Variants in MAP7 observed in about 807,000 individuals in gnomAD.
MAP7 encodes the protein microtubule associated protein 7, also known as ensconsin.
Under a neutral mutation model 94.8 loss-of-function variants are expected in MAP7, and 52 were observed. That is an observed-to-expected ratio of 0.55 (90% CI 0.44 to 0.69). The LOEUF is 0.69. Among genes scored for constraint, MAP7 ranks in the 30% least tolerant of loss-of-function variants. The pLI, the probability that MAP7 is intolerant of heterozygous loss-of-function variation, is 0.00. For missense variants in MAP7, 940 were observed against 964.6 expected (o/e 0.97, Z 0.34); for synonymous variants, 350 against 357.0 (o/e 0.98, Z 0.22).
rs1822250671 is a variant in MAP7 at position 136,508,452 on chromosome 6, TAAAG to T, written c.67+41886_67+41889del. ...GAAGAGATCTTCATCAGCATCAGGATAAAGAAATTAATTTTTTTATCAAATGTTA... is the reference window on the plus strand; with the variant it reads ...GAAGAGATCTTCATCAGCATCAGGATAAATTAATTTTTTTATCAAATGTTA... On this transcript the variant is annotated intron_variant, in intron 1 of 17. Coordinates refer to ENST00000354570, the MANE Select transcript of MAP7 (RefSeq NM_003980.6). Among the ~76,000 whole-genome samples the T allele has an allele frequency of 2.6e-5, 4 of 152,220 alleles. No homozygotes were observed. The South Asian group carries it at 8.3e-4, about 32-fold the overall frequency.
chr6:136,448,229 C>T (rs927337787), intron 1 of MAP7, among the ~76,000 whole-genome samples: 3 of 152,058 alleles, frequency 2.0e-5, no homozygotes, highest in Non-Finnish European at 4.4e-5. Context: ...TTTAAAGACT[C>T]TGAAGGAATA....
chr6:136,441,177 T>A (rs377511499), intron 1 of MAP7, among the ~76,000 whole-genome samples: 23 of 152,354 alleles, frequency 1.5e-4, no homozygotes, highest in Admixed American at 1.1e-3. Flanking sequence ...CTCTTCCGCA[T>A]GCTGATTTCA....
At chr6:136,432,602 A>C (rs1369327077) in intron 1 of MAP7, among the ~76,000 whole-genome samples, 1 of 152,222 alleles carries the variant, frequency 6.6e-6, no homozygotes, top group African/African-American at 2.4e-5. Flanking sequence ...CCTGAGCCAC[A>C]ATTCTTCTCA....
intron 2 of MAP7, among the ~76,000 whole-genome samples, chr6:136,416,547 T>C (rs1440396544): frequency 6.6e-6 from 1 of 152,224 alleles, no homozygotes; most frequent in Non-Finnish European, 1.5e-5. Context: ...GACTCACACC[T>C]GTAATCCCAG....
chr6:136,382,742 T>C (rs557899755), intron 6 of MAP7, among the ~76,000 whole-genome samples: 33 of 152,264 alleles, frequency 2.2e-4, no homozygotes, highest in African/African-American at 7.7e-4. Context: ...TATATAAATA[T>C]ACATACACAC....
intron 16 of MAP7, among the ~76,000 whole-genome samples, chr6:136,350,151 T>C (rs1788754613): frequency 6.6e-6 from 1 of 152,200 alleles, no homozygotes; most frequent in Non-Finnish European, 1.5e-5. Flanking sequence ...TTGCATGATC[T>C]GTCATGATGG....
intron 3 of MAP7, among the ~76,000 whole-genome samples, chr6:136,406,632 C>T (rs1036571334): frequency 6.6e-6 from 1 of 152,228 alleles, no homozygotes; most frequent in Non-Finnish European, 1.5e-5. Context: ...ACCAGCCTCA[C>T]CAACGTGGCA....
At chr6:136,401,853 T>C (rs531111149) in intron 3 of MAP7, among the ~76,000 whole-genome samples, 1 of 152,304 alleles carries the variant, frequency 6.6e-6, no homozygotes, top group East Asian at 1.9e-4. Flanking sequence ...TTGAATCTGC[T>C]GTAGCCTCTC....
At position 136,426,188 on chromosome 6, in the gene MAP7, T is replaced by C. The variant is rs568123622; in HGVS notation, c.68-4389A>G. 5.9e-5 allele frequency among the ~76,000 whole-genome samples: 9 copies of C among 152,336 alleles called. No homozygotes were observed. In the South Asian group the frequency reaches 1.7e-3, roughly 28 times the overall value. On this transcript the variant is annotated intron_variant, in intron 1 of 17. Transcript: ENST00000354570. ...CCTCTAGGGAATATCTGCTCATGTATTTCTGCTATCATTTGAATGTCCTCA... is the reference window on the plus strand; with the variant it reads ...CCTCTAGGGAATATCTGCTCATGTACTTCTGCTATCATTTGAATGTCCTCA...
chr6:136,349,334 A>G (rs1788510834), intron 16 of MAP7, among the ~76,000 whole-genome samples: 1 of 152,184 alleles, frequency 6.6e-6, no homozygotes, highest in Non-Finnish European at 1.5e-5. Context: ...GTATATATTC[A>G]TTTATAAAAT....
chr6:136,530,541 A>AGCTCCTGCAATAGTCCAGATG (rs1583153402), intron 1 of MAP7, among the ~76,000 whole-genome samples: 3 of 147,036 alleles, frequency 2.0e-5, no homozygotes, highest in African/African-American at 8.2e-5. Context: ...CATGGAATCA[A>AGCTCCTGCAATAGTCCAGATG]ACAACCACTA....
At chr6:136,436,189 A>C (rs1202827297) in intron 1 of MAP7, among the ~76,000 whole-genome samples, 1 of 152,230 alleles carries the variant, frequency 6.6e-6, no homozygotes, top group Non-Finnish European at 1.5e-5. Context: ...TTAACTATTT[A>C]GATTTTTAAA....
At chr6:136,534,791 C>G (rs1179223631) in intron 1 of MAP7, among the ~76,000 whole-genome samples, 1 of 152,120 alleles carries the variant, frequency 6.6e-6, no homozygotes, top group East Asian at 1.9e-4. Context: ...ATCAAATGAA[C>G]CCTTTTAATG....
intron 1 of MAP7, among the ~76,000 whole-genome samples, chr6:136,464,274 A>G (rs1441357433): frequency 3.9e-5 from 6 of 152,230 alleles, no homozygotes. Context: ...ACAAACCAGT[A>G]GTGGTCTATC....
intron 3 of MAP7, among the ~76,000 whole-genome samples, chr6:136,402,905 C>CAAAAAAAAAAAAAAAA (rs57114676): frequency 3.9e-4 from 26 of 67,396 alleles, no homozygotes; most frequent in East Asian, 1.1e-3. Flanking sequence ...GACTCTGTCT[C>CAAAAAAAAAAAAAAAA]AAAAAAAAAA....
intron 1 of MAP7, among the ~76,000 whole-genome samples, chr6:136,504,164 T>C (rs1820656447): frequency 6.6e-6 from 1 of 152,136 alleles, no homozygotes; most frequent in Non-Finnish European, 1.5e-5. Flanking sequence ...TGATGTATTA[T>C]TTATAGATAT....
intron 3 of MAP7, among the ~76,000 whole-genome samples, chr6:136,399,664 T>C (rs981229422): frequency 6.6e-6 from 1 of 152,224 alleles, no homozygotes. Flanking sequence ...CAGTTTCCTT[T>C]TGTTTTCATT....
chr6:136,527,486 A>G (rs899190852), intron 1 of MAP7, among the ~76,000 whole-genome samples: 1 of 152,222 alleles, frequency 6.6e-6, no homozygotes, highest in Non-Finnish European at 1.5e-5. Flanking sequence ...TAAGGCAAGT[A>G]CAATATCCTC....
chr6:136,472,730 C>A (rs1307618724), intron 1 of MAP7, among the ~76,000 whole-genome samples: 2 of 152,116 alleles, frequency 1.3e-5, no homozygotes, highest in East Asian at 1.9e-4. Flanking sequence ...ATACAGCCTA[C>A]TTGACATATT....
Sources: gnomAD v4.1 joint callset for allele counts (sites outside exome capture counted in the v4.1 genomes callset) on GRCh38, gnomAD v4.1.1 for gene constraint, MANE v1.5 for transcripts, NCBI Gene and HGNC (gene_info 2026-07-23, HGNC 2026-07-21) for gene names.